BCR: variants seen among roughly 807,000 people sequenced by gnomAD.
BCR encodes BCR activator of RhoGEF and GTPase, also known as breakpoint cluster region protein.
Under a neutral mutation model 138.6 loss-of-function variants are expected in BCR, and 58 were observed. That is an observed-to-expected ratio of 0.42 (90% CI 0.34 to 0.52). The LOEUF (loss-of-function observed/expected upper bound fraction) is 0.52, where lower values mean the gene tolerates loss of function less well. BCR is among the 20% of genes least tolerant of loss of function. The pLI is 0.06. For missense variants in BCR, 1,599 were observed against 1,727.2 expected, an observed-to-expected ratio of 0.93 and a Z score of 1.32; for synonymous variants, 786 against 730.1, an observed-to-expected ratio of 1.08 and a Z score of -1.23.
chr22:23,195,771 C>G (rs2072472459), intron 1 of BCR, among the ~76,000 whole-genome samples: 1 of 152,044 alleles, frequency 6.6e-6, no homozygotes. Context: ...GCCTGTAATC[C>G]CAGCTACTCG....
intron 6 of BCR, among the ~76,000 whole-genome samples, chr22:23,272,085 T>C (rs2073516546): frequency 6.6e-6 from 1 of 152,206 alleles, no homozygotes; most frequent in Admixed American, 6.5e-5. Context: ...CCCAAAGTGC[T>C]GGGATTACAG....
chr22:23,243,601 T>C (rs2146257793), intron 1 of BCR, among the ~76,000 whole-genome samples: 1 of 151,956 alleles, frequency 6.6e-6, no homozygotes, highest in African/African-American at 2.4e-5. Flanking sequence ...AATAAACTGG[T>C]AAATGTGAGT....
At chr22:23,308,747 TGGTCATGACAG>T (rs2073975297) in intron 16 of BCR, among the ~76,000 whole-genome samples, 2 of 152,318 alleles carry the variant, frequency 1.3e-5, no homozygotes, top group Admixed American at 1.3e-4. Context: ...ACATGTGGCT[TGGTCATGACAG>T]GGTGTTACAT....
In BCR at chr22:23,299,928, T is replaced by C. The variant is rs552720281; in HGVS notation, c.3012+4773T>C. On this transcript the variant is annotated intron_variant, in intron 16 of 22. Coordinates refer to ENST00000305877, the MANE Select transcript of BCR (RefSeq NM_004327.4). ...TGAGGGGGTCGGGGAGTTCAGAGTTTGGACTCCCACGTGCATCCCTGCACC... is the reference window on the plus strand; with the variant it reads ...TGAGGGGGTCGGGGAGTTCAGAGTTCGGACTCCCACGTGCATCCCTGCACC... 4.5e-4 allele frequency among the ~76,000 whole-genome samples: 69 copies of C among 152,270 alleles called. 4 individuals are homozygous for C. The South Asian group carries it at 0.013, about 29-fold the overall frequency.
At chr22:23,250,254 C>T (rs1406545746) in intron 1 of BCR, among the ~76,000 whole-genome samples, 1 of 152,144 alleles carries the variant, frequency 6.6e-6, no homozygotes, top group East Asian at 1.9e-4. Context: ...TAGTCATGGG[C>T]TCGGAAAGCA....
Position 23,314,648 on chromosome 22 carries a change from G to C in BCR, c.3660G>C (p.Lys1220Asn). The C allele has an allele frequency of 1.2e-6, 2 of 1,611,982 alleles. No homozygotes were observed. The highest frequency in any genetic ancestry group is 1.7e-6 in the Non-Finnish European group (2 of 1,179,862). ...TCCGGCCCTCCGAGAAGGAGAGCAAGCTCCCTGCCAACCCCAGCCAGCCTA... is the reference window on the plus strand; with the variant it reads ...TCCGGCCCTCCGAGAAGGAGAGCAACCTCCCTGCCAACCCCAGCCAGCCTA... Reference protein sequence around the residue: ...TLLRPSEKESKLPANPSQPIT... With the variant: ...TLLRPSEKESNLPANPSQPIT... Residue 1220 changes from lysine to asparagine, a missense_variant, in exon 22 of 23, where the codon AAG (lysine) becomes AAC (asparagine). Physicochemically the swap from Lys to Asn is moderately conservative, Grantham distance 94. This residue lies in a region of BCR where 177 missense variants were observed against 226.4 expected (regional missense o/e 0.78). Transcript: ENST00000305877.
In BCR at chr22:23,244,176, G is replaced by T. The variant is rs547934108; in HGVS notation, c.1280-9623G>T. Among the ~76,000 whole-genome samples, 8 of 152,314 alleles carry T rather than the reference G, an allele frequency of 5.3e-5. No homozygotes were observed. The East Asian group carries it at 1.2e-3, about 22-fold the overall frequency. ...CCGGCTGGTGTCCAGAGACTGGGAGGATTGCCTGGTGAAAGGAGAAAACCC... is the reference window on the plus strand; with the variant it reads ...CCGGCTGGTGTCCAGAGACTGGGAGTATTGCCTGGTGAAAGGAGAAAACCC... On this transcript the variant is annotated intron_variant, in intron 1 of 22. Transcript: ENST00000305877.
intron 16 of BCR, among the ~76,000 whole-genome samples, chr22:23,301,769 C>T (rs573729161): frequency 1.3e-5 from 2 of 152,330 alleles, no homozygotes; most frequent in African/African-American, 4.8e-5. Flanking sequence ...ACCCCCCCGC[C>T]AGGCATGGCA....
At chr22:23,191,071 T>C (rs1353432614) in intron 1 of BCR, among the ~76,000 whole-genome samples, 3 of 152,144 alleles carry the variant, frequency 2.0e-5, no homozygotes, top group Non-Finnish European at 2.9e-5. Flanking sequence ...TACCTGGTAC[T>C]ACAGGCGCGT....
intron 1 of BCR, among the ~76,000 whole-genome samples, chr22:23,201,929 T>C (rs1234484948): frequency 6.6e-6 from 1 of 152,224 alleles, no homozygotes; most frequent in Non-Finnish European, 1.5e-5. Flanking sequence ...TGAGGAAGGT[T>C]TAATTTTCTT....
intron 1 of BCR, among the ~76,000 whole-genome samples, chr22:23,224,713 C>T (rs1010339808): frequency 2.0e-5 from 3 of 152,188 alleles, no homozygotes; most frequent in Non-Finnish European, 2.9e-5. Context: ...GAAACCCTGT[C>T]TCTACTAAGA....
At chr22:23,309,132 G>A (rs892492221) in intron 16 of BCR, among the ~76,000 whole-genome samples, 3 of 152,140 alleles carry the variant, frequency 2.0e-5, no homozygotes, top group African/African-American at 4.8e-5. Flanking sequence ...ATGGAAGCCG[G>A]ATGGAGAGAG....
At chr22:23,198,940 C>T (rs773013109) in intron 1 of BCR, among the ~76,000 whole-genome samples, 16 of 151,836 alleles carry the variant, frequency 1.1e-4, no homozygotes, top group Non-Finnish European at 1.9e-4. Flanking sequence ...GCCAACATGG[C>T]GAAACCCGGT....
chr22:23,182,425 A>G (rs2072282068), intron 1 of BCR, among the ~76,000 whole-genome samples, 186 bp downstream of exon 1: 1 of 152,156 alleles, frequency 6.6e-6, no homozygotes, highest in African/African-American at 2.4e-5. Context: ...CTGAATGCAT[A>G]CTGTTAGTGT....
chr22:23,299,522 G>A (rs1250924230), intron 16 of BCR, among the ~76,000 whole-genome samples: 8 of 152,012 alleles, frequency 5.3e-5, no homozygotes, highest in Admixed American at 1.3e-4. Context: ...CACGTCCCCC[G>A]TGACGTGATC....
intron 1 of BCR, among the ~76,000 whole-genome samples, chr22:23,192,563 A>T (rs2072429130): frequency 6.6e-6 from 1 of 152,238 alleles, no homozygotes; most frequent in African/African-American, 2.4e-5. Context: ...TGAAGGTGTC[A>T]GCTGTCTAGG....
intron 1 of BCR, among the ~76,000 whole-genome samples, chr22:23,232,648 C>G (rs552979819): frequency 2.0e-5 from 3 of 152,224 alleles, no homozygotes; most frequent in Non-Finnish European, 4.4e-5. Context: ...AGCTGGGATG[C>G]TCACTGGCTT....
At chr22:23,253,507 A>T (rs1381673807) in intron 1 of BCR, among the ~76,000 whole-genome samples, 2 of 152,206 alleles carry the variant, frequency 1.3e-5, no homozygotes, top group Non-Finnish European at 2.9e-5. Context: ...AGGAAAGTAG[A>T]GGGTGGGATA....
chr22:23,263,434 G>T, intron 4 of BCR: 1 of 1,338,182 alleles, frequency 7.5e-7, no homozygotes, highest in Non-Finnish European at 1.1e-6. Context: ...TGGATAGTGG[G>T]GTGCTGCCGA....
Sources: gnomAD v4.1 joint callset for allele counts (sites outside exome capture counted in the v4.1 genomes callset) on GRCh38, gnomAD v4.1.1 for gene constraint, gnomAD v4.1.1 regional missense constraint, MANE v1.5 for transcripts, NCBI Gene and HGNC (gene_info 2026-07-23, HGNC 2026-07-21) for gene names.